The following HMGA2 variants were observed in gnomAD, a reference collection of about 807,000 sequenced individuals.
The protein encoded by HMGA2 is high mobility group AT-hook 2.
In HMGA2, 8 loss-of-function variants were observed where a neutral mutation model predicts 19.1. That is an observed-to-expected ratio of 0.42 (90% CI 0.25 to 0.76). The LOEUF (loss-of-function observed/expected upper bound fraction) is 0.76. Among genes scored for constraint, HMGA2 ranks in the 30% least tolerant of loss-of-function variants. The probability of loss-of-function intolerance (pLI) is 0.28; values close to 1 mark genes in which losing one functional copy is unlikely to be tolerated. For missense variants in HMGA2, 109 were observed against 136.3 expected (o/e 0.80, Z 1.00); for synonymous variants, 60 against 48.8 (o/e 1.23, Z -0.96).
chr12:65,837,929 T>C (rs554855584), intron 2 of HMGA2, among the ~76,000 whole-genome samples: 2 of 152,300 alleles, frequency 1.3e-5, no homozygotes, highest in Non-Finnish European at 2.9e-5. Context: ...GACAGGTGAT[T>C]GTTTCAGGCA....
At chr12:65,889,299 A>G (rs567702730) in intron 3 of HMGA2, among the ~76,000 whole-genome samples, 63 of 152,318 alleles carry the variant, frequency 4.1e-4, no homozygotes, top group Admixed American at 4.0e-3. Flanking sequence ...ATCAAACTTC[A>G]GCATACCACG....
chr12:65,840,352 A>AG (rs1429796995), intron 3 of HMGA2, among the ~76,000 whole-genome samples: 1 of 152,228 alleles, frequency 6.6e-6, no homozygotes, highest in Non-Finnish European at 1.5e-5. Flanking sequence ...GGAAGACTCA[A>AG]GCATCAGGGG....
intron 3 of HMGA2, chr12:65,857,269 T>G (rs565324519): frequency 4.6e-5 from 7 of 152,330 alleles, no homozygotes; most frequent in African/African-American, 1.7e-4. Context: ...CACCTAATTT[T>G]TATTTTCAAT....
chr12:65,865,607 A>T (rs1414441950), intron 3 of HMGA2, among the ~76,000 whole-genome samples: 1 of 151,716 alleles, frequency 6.6e-6, no homozygotes, highest in Non-Finnish European at 1.5e-5. Context: ...CATACATTCT[A>T]AGCGTCTGTA....
chr12:65,857,719 C>G (rs531454784), intron 3 of HMGA2: 3 of 152,132 alleles, frequency 2.0e-5, no homozygotes, highest in Non-Finnish European at 4.4e-5. Context: ...TAAACGAAGT[C>G]ATGGGAATGG....
At chr12:65,845,441 G>GT (rs1432258596) in intron 3 of HMGA2, among the ~76,000 whole-genome samples, 2 of 151,876 alleles carry the variant, frequency 1.3e-5, no homozygotes, top group African/African-American at 2.4e-5. Flanking sequence ...GCTAATTTTT[G>GT]TTTTTTTAGT....
intron 4 of HMGA2, among the ~76,000 whole-genome samples, chr12:65,959,791 AG>A (rs975615439): frequency 2.0e-5 from 3 of 152,248 alleles, no homozygotes; most frequent in Non-Finnish European, 2.9e-5. Context: ...ACAAGCTCAA[AG>A]GTCCTTTGAC....
At chr12:65,843,033 A>G (rs1280634641) in intron 3 of HMGA2, 1 of 294,394 alleles carries the variant, frequency 3.4e-6, no homozygotes, top group Non-Finnish European at 5.8e-6. Context: ...TGATACTTTT[A>G]GGTGTTTTGT....
intron 3 of HMGA2, among the ~76,000 whole-genome samples, chr12:65,899,070 A>C (rs2121167357): frequency 6.6e-6 from 1 of 150,668 alleles, no homozygotes; most frequent in East Asian, 1.9e-4. Context: ...AAAAAAAAAA[A>C]AAGATGAGGA....
At chr12:65,890,954 C>T (rs769629738) in intron 3 of HMGA2, among the ~76,000 whole-genome samples, 3 of 152,106 alleles carry the variant, frequency 2.0e-5, no homozygotes, top group Admixed American at 6.5e-5. Context: ...TGATCTCGAA[C>T]TCCTGACCTC....
chr12:65,946,403 C>T (rs547488201), intron 3 of HMGA2, among the ~76,000 whole-genome samples: 73 of 152,294 alleles, frequency 4.8e-4, no homozygotes, highest in African/African-American at 1.7e-3. Context: ...GACTCATCTG[C>T]ACAGACAGCC....
At chr12:65,852,032 T>C (rs1384071801) in intron 3 of HMGA2, among the ~76,000 whole-genome samples, 2 of 152,166 alleles carry the variant, frequency 1.3e-5, no homozygotes, top group African/African-American at 4.8e-5. Context: ...TACAAATTTG[T>C]ACAAGGTACA....
At chr12:65,894,486 C>A (rs1874043092) in intron 3 of HMGA2, among the ~76,000 whole-genome samples, 1 of 152,160 alleles carries the variant, frequency 6.6e-6, no homozygotes, top group Admixed American at 6.6e-5. Flanking sequence ...AAATTTATTT[C>A]TGCTCTGGAC....
At chr12:65,890,357 G>A (rs1873850045) in intron 3 of HMGA2, among the ~76,000 whole-genome samples, 1 of 152,106 alleles carries the variant, frequency 6.6e-6, no homozygotes, top group African/African-American at 2.4e-5. Flanking sequence ...ATGAATGATG[G>A]ACTGAATAAA....
intron 3 of HMGA2, chr12:65,874,172 A>G (rs1382953761): frequency 6.6e-6 from 1 of 151,974 alleles, no homozygotes; most frequent in Non-Finnish European, 1.5e-5. Context: ...TTACAGTTTC[A>G]TAGATCTCAT....
At chr12:65,906,033 C>G (rs1276296251) in intron 3 of HMGA2, among the ~76,000 whole-genome samples, 6 of 152,182 alleles carry the variant, frequency 3.9e-5, no homozygotes, top group African/African-American at 9.7e-5. Flanking sequence ...AGCGAACAAG[C>G]TGCATTAAAA....
chr12:65,842,803 G>C, intron 3 of HMGA2: 1 of 1,372,210 alleles, frequency 7.3e-7, no homozygotes, highest in Non-Finnish European at 9.4e-7. Context: ...TTCTATTCTT[G>C]CCTAGGAAAG....
chr12:65,892,633 C>T (rs1048768401), intron 3 of HMGA2, among the ~76,000 whole-genome samples: 6 of 151,934 alleles, frequency 3.9e-5, no homozygotes, highest in Non-Finnish European at 8.8e-5. Flanking sequence ...GCGAGGGGAC[C>T]CTTCAAAGTA....
At chr12:65,920,210 T>C (rs1875255379) in intron 3 of HMGA2, among the ~76,000 whole-genome samples, 1 of 152,078 alleles carries the variant, frequency 6.6e-6, no homozygotes. Flanking sequence ...AGGAGTTAAC[T>C]TGCAGTCTGA....
Sources: allele counts gnomAD v4.1 joint callset (sites outside exome capture counted in the v4.1 genomes callset), GRCh38; gene constraint gnomAD v4.1.1; transcripts MANE v1.5; gene names NCBI Gene and HGNC (gene_info 2026-07-23, HGNC 2026-07-21).